The following PEMT variants were observed in gnomAD, a reference collection of about 807,000 sequenced individuals.
The protein encoded by PEMT is phospholipid methyltransferase.
Under a neutral mutation model 27.4 loss-of-function variants are expected in PEMT, and 23 were observed. The observed-to-expected ratio is 0.84, with a 90% CI of 0.60 to 1.19. The LOEUF is 1.19. Among genes scored for constraint, PEMT ranks in the 50% most tolerant of loss-of-function variants. PEMT has a pLI of 0.00. For missense variants in PEMT, 307 were observed against 310.1 expected (o/e 0.99, Z 0.07); for synonymous variants, 137 against 139.1 (o/e 0.98, Z 0.11).
chr17:17,540,102 AG>A (rs563455256), intron 2 of PEMT, among the ~76,000 whole-genome samples: 188 of 152,308 alleles, frequency 1.2e-3, no homozygotes, highest in Non-Finnish European at 2.2e-3. Flanking sequence ...CCCCAAGGGA[AG>A]GGGCCAAAAT....
chr17:17,520,697 C>T (rs70963010), intron 3 of PEMT, among the ~76,000 whole-genome samples: 14 of 152,262 alleles, frequency 9.2e-5, no homozygotes, highest in African/African-American at 3.4e-4. Flanking sequence ...CAACCCAGGG[C>T]AGGTGCCAGG....
intron 2 of PEMT, among the ~76,000 whole-genome samples, chr17:17,532,032 GAAAAC>G (rs1349249123): frequency 6.6e-6 from 1 of 152,086 alleles, no homozygotes; most frequent in Non-Finnish European, 1.5e-5. Context: ...TTGATAATAA[GAAAAC>G]AAAAAACTCA....
chr17:17,523,711 G>A lies in PEMT; in HGVS notation c.205-1316C>T, dbSNP rs530281245. 2.6e-5 allele frequency among the ~76,000 whole-genome samples: 4 copies of A among 152,230 alleles called. No homozygotes were observed. The South Asian group carries it at 8.3e-4, about 32-fold the overall frequency. ...CTGCAGGGGTGAGGAGGGGGCTGCG[G>A]TGACCTTGCTGGGAATGTGTGGGGT... On this transcript the variant is annotated intron_variant, in intron 2 of 6. Transcript: ENST00000255389. This position sits in a 1 kb window ranked among gnomAD's most constrained non-coding sequence, Gnocchi z 4.8.
chr17:17,542,649 T>C (rs906783934), intron 2 of PEMT, among the ~76,000 whole-genome samples: 5 of 152,238 alleles, frequency 3.3e-5, no homozygotes, highest in Non-Finnish European at 5.9e-5. Flanking sequence ...GTAATGACAG[T>C]GACCACAATC....
intron 2 of PEMT, among the ~76,000 whole-genome samples, chr17:17,572,022 A>T (rs1911239875): frequency 6.6e-6 from 1 of 152,186 alleles, no homozygotes; most frequent in African/African-American, 2.4e-5. Context: ...CTGGAGCCCA[A>T]GGACATCCGT....
intron 2 of PEMT, among the ~76,000 whole-genome samples, chr17:17,528,953 A>G (rs982291281): frequency 2.0e-5 from 3 of 152,234 alleles, no homozygotes; most frequent in African/African-American, 7.2e-5. Context: ...TGATACCGTC[A>G]CATAAGCTTC....
At chr17:17,570,406 A>T in intron 2 of PEMT, 1 of 618,890 alleles carries the variant, frequency 1.6e-6, no homozygotes, top group South Asian at 7.0e-5. Context: ...TCTGGAAACC[A>T]CTCAGATGGC....
At chr17:17,588,127 T>C (rs1219485971) in intron 1 of PEMT, among the ~76,000 whole-genome samples, 1 of 152,202 alleles carries the variant, frequency 6.6e-6, no homozygotes, top group Non-Finnish European at 1.5e-5. Context: ...CAAGAGTTTC[T>C]GTCATTGTTT....
intron 1 of PEMT, among the ~76,000 whole-genome samples, chr17:17,589,349 G>T (rs1330730341): frequency 1.3e-5 from 2 of 151,930 alleles, no homozygotes; most frequent in Non-Finnish European, 2.9e-5. Flanking sequence ...AGCTGGTGGA[G>T]GGCATGGTAC....
At chr17:17,577,602 C>T in intron 1 of PEMT, 1 of 755,122 alleles carries the variant, frequency 1.3e-6, no homozygotes, top group Non-Finnish European at 1.6e-6. Flanking sequence ...GCCCCGCCAT[C>T]ATCTTGCATG....
At chr17:17,559,070 G>A (rs1314304193) in intron 2 of PEMT, among the ~76,000 whole-genome samples, 4 of 152,080 alleles carry the variant, frequency 2.6e-5, no homozygotes, top group Admixed American at 6.6e-5. Context: ...ACTTCACCCC[G>A]TCGCAGCTTC....
At chr17:17,517,333 A>T (rs1205160634) in intron 3 of PEMT, among the ~76,000 whole-genome samples, 1 of 152,260 alleles carries the variant, frequency 6.6e-6, no homozygotes, top group Non-Finnish European at 1.5e-5. Flanking sequence ...CCCAGTCCAC[A>T]GACTCTTTAA....
chr17:17,566,915 T>C (rs552728782), intron 2 of PEMT, among the ~76,000 whole-genome samples: 1 of 152,264 alleles, frequency 6.6e-6, no homozygotes, highest in African/African-American at 2.4e-5. Context: ...GCAGCCTGGG[T>C]CCCCTGCCTC....
chr17:17,583,246 G>A (rs981304653), intron 1 of PEMT, among the ~76,000 whole-genome samples: 3 of 150,956 alleles, frequency 2.0e-5, no homozygotes, highest in Admixed American at 6.6e-5. Context: ...CGTGGTGGCA[G>A]GCACCTGTAA....
chr17:17,540,876 G>A (rs1355338927), intron 2 of PEMT, among the ~76,000 whole-genome samples: 1 of 152,206 alleles, frequency 6.6e-6, no homozygotes, highest in Non-Finnish European at 1.5e-5. Flanking sequence ...GCATACAACA[G>A]GTACTCAGTA....
At position 17,505,689 on chromosome 17, in the gene PEMT, C is replaced by T. The variant is rs1050290740; in HGVS notation, c.*102G>A. On this transcript the variant is annotated 3_prime_UTR_variant, in exon 7 of 7. Transcript: ENST00000255389. Reference sequence around the variant, plus strand: ...GCACTGGGGCAGCCCACGCCGGGGGCGAGCCCTGAGCAGCAGGCACCATTC... The same window carrying T: ...GCACTGGGGCAGCCCACGCCGGGGGTGAGCCCTGAGCAGCAGGCACCATTC... 9 of 1,349,084 alleles carry T rather than the reference C, an allele frequency of 6.7e-6. No homozygotes were observed. Among genetic ancestry groups the T allele is most frequent in the Admixed American group, 3.3e-5 (1 of 30,750 alleles). 83.6% of individuals were successfully genotyped at this position (1,349,084 alleles called of 1,614,324 possible).
intron 5 of PEMT, chr17:17,507,110 C>T: frequency 6.5e-7 from 1 of 1,530,400 alleles, no homozygotes; most frequent in Non-Finnish European, 8.9e-7. Flanking sequence ...GGCGCAGCTG[C>T]TTTGGGTTTC....
chr17:17,522,002 C>T (rs527551370), intron 3 of PEMT, among the ~76,000 whole-genome samples: 51 of 152,338 alleles, frequency 3.3e-4, no homozygotes, highest in African/African-American at 1.0e-3. Context: ...GCCTTGGCTA[C>T]GTGGCAGAGG....
rs1912019716 is a variant in PEMT at position 17,582,304 on chromosome 17, G to A, written c.97-5277C>T. On this transcript the variant is annotated intron_variant, in intron 1 of 6. Transcript: ENST00000255389. This position sits in a 1 kb window ranked among gnomAD's most constrained non-coding sequence, Gnocchi z 4.9. ...GTCTGCTGAGCTGCAGGAATAGCTC[G>A]AGTCCCACAGGTCACCGACGAATAG... 3 of 985,492 alleles carry A rather than the reference G, an allele frequency of 3.0e-6. No individual in the cohort carries two copies. The South Asian group carries it at 1.4e-4, about 46-fold the overall frequency. 61.0% of individuals were successfully genotyped at this position (985,492 alleles called of 1,614,324 possible).
Sources: allele counts gnomAD v4.1 joint callset (sites outside exome capture counted in the v4.1 genomes callset), GRCh38; gene constraint gnomAD v4.1.1; non-coding constraint Gnocchi (gnomAD v3.1); transcripts MANE v1.5; gene names NCBI Gene and HGNC (gene_info 2026-07-23, HGNC 2026-07-21).